Variants in RANBP17 observed in about 807,000 individuals in gnomAD.
RANBP17 encodes ran-binding protein 17.
Under a neutral mutation model 141.2 loss-of-function variants are expected in RANBP17, and 158 were observed. The observed-to-expected ratio is 1.12, with a 90% CI of 0.98 to 1.28. RANBP17 has a LOEUF of 1.28. Among genes scored for constraint, RANBP17 ranks in the 50% most tolerant of loss-of-function variants. RANBP17 has a pLI of 0.00. For synonymous variants in RANBP17, 430 were observed against 450.0 expected, an observed-to-expected ratio of 0.96 and a Z score of 0.56; for missense variants, 1,438 against 1,290.7, an observed-to-expected ratio of 1.11 and a Z score of -1.75.
chr5:171,238,486 C>T (rs1456020456), intron 22 of RANBP17, among the ~76,000 whole-genome samples: 1 of 152,050 alleles, frequency 6.6e-6, no homozygotes, highest in African/African-American at 2.4e-5. Flanking sequence ...GAATATAGGA[C>T]CTTTCCTTTC....
chr5:170,995,478 C>T lies in RANBP17; in HGVS notation c.1710+27101C>T, dbSNP rs181501589. ...TAGTATGAAGGTCCTTAAAAATATT[C>T]CTATCTGTTGACACAGTGTTTCATG... On this transcript the variant is annotated intron_variant, in intron 14 of 27. Coordinates refer to ENST00000523189, the MANE Select transcript of RANBP17 (RefSeq NM_022897.5). Among the ~76,000 whole-genome samples the T allele has an allele frequency of 3.0e-3, 454 of 152,202 alleles. 1 individual carries two copies. Among genetic ancestry groups the T allele is most frequent in the Non-Finnish European group, 5.1e-3 (347 of 67,988 alleles).
At chr5:171,250,228 C>T (rs528491021) in intron 24 of RANBP17, among the ~76,000 whole-genome samples, 7 of 152,270 alleles carry the variant, frequency 4.6e-5, no homozygotes, top group Admixed American at 2.6e-4. Flanking sequence ...TTGTTTGTTA[C>T]CACTAGACTG....
chr5:171,209,306 G>T (rs1762745308), intron 20 of RANBP17, among the ~76,000 whole-genome samples: 1 of 152,086 alleles, frequency 6.6e-6, no homozygotes, highest in African/African-American at 2.4e-5. Flanking sequence ...AGTTTGTTTG[G>T]GACTCTTGAA....
chr5:171,247,255 G>A (rs1264646861), intron 24 of RANBP17, among the ~76,000 whole-genome samples: 1 of 152,094 alleles, frequency 6.6e-6, no homozygotes, highest in Non-Finnish European at 1.5e-5. Flanking sequence ...TATTTTCTTT[G>A]TACATATTGG....
At chr5:171,130,525 C>T (rs1232367049) in intron 14 of RANBP17, among the ~76,000 whole-genome samples, 1 of 149,478 alleles carries the variant, frequency 6.7e-6, no homozygotes, top group Non-Finnish European at 1.5e-5. Context: ...CAACCTCCTC[C>T]TCTGGGGTTC....
intron 14 of RANBP17, chr5:170,970,463 A>G (rs1419966190): frequency 6.6e-6 from 1 of 152,112 alleles, no homozygotes; most frequent in Non-Finnish European, 1.5e-5. Context: ...CTTGCACTGC[A>G]TACTTTATAT....
At chr5:170,902,390 T>C (rs1003953065) in intron 5 of RANBP17, among the ~76,000 whole-genome samples, 2 of 152,200 alleles carry the variant, frequency 1.3e-5, no homozygotes, top group Non-Finnish European at 2.9e-5. Flanking sequence ...TATGTTCTTC[T>C]CTAAACTGGT....
At chr5:170,980,247 T>TA (rs1317675643) in intron 14 of RANBP17, among the ~76,000 whole-genome samples, 1 of 152,180 alleles carries the variant, frequency 6.6e-6, no homozygotes, top group East Asian at 1.9e-4. Flanking sequence ...GGAAACAGCA[T>TA]AAAAGTTTGG....
chr5:171,225,456 AC>A (rs1221597053), intron 22 of RANBP17, among the ~76,000 whole-genome samples: 2 of 152,184 alleles, frequency 1.3e-5, no homozygotes, highest in Non-Finnish European at 1.5e-5. Context: ...ATGTTTTATT[AC>A]CCAGGCTTTT....
At chr5:171,133,542 C>T (rs29647) in intron 14 of RANBP17, among the ~76,000 whole-genome samples, 86,366 of 151,868 alleles carry the variant, frequency 0.57, 26,825 homozygotes, top group South Asian at 0.79. Flanking sequence ...ATAGTTTCAA[C>T]AATCTTTCAT....
intron 18 of RANBP17, among the ~76,000 whole-genome samples, chr5:171,186,579 C>G (rs1166138717): frequency 8.8e-6 from 1 of 113,462 alleles, no homozygotes. Context: ...CTCTGTCGCC[C>G]AGGCTGGAGT....
chr5:170,978,159 T>C (rs1382314169), intron 14 of RANBP17, among the ~76,000 whole-genome samples: 3 of 152,124 alleles, frequency 2.0e-5, no homozygotes, highest in Non-Finnish European at 1.5e-5. Context: ...CTAAGTGAAA[T>C]ATCACTGCTC....
At chr5:171,095,226 T>C (rs1313447201) in intron 14 of RANBP17, among the ~76,000 whole-genome samples, 1 of 152,214 alleles carries the variant, frequency 6.6e-6, no homozygotes, top group Admixed American at 6.5e-5. Flanking sequence ...GTTTTAAGAT[T>C]TTATTCTAAA....
chr5:170,920,368 T>A (rs1358276708), intron 11 of RANBP17, among the ~76,000 whole-genome samples: 1 of 152,166 alleles, frequency 6.6e-6, no homozygotes, highest in African/African-American at 2.4e-5. Flanking sequence ...CTAATAACTA[T>A]GTAGTGGTAC....
chr5:171,073,036 G>C (rs1784718220), intron 14 of RANBP17, among the ~76,000 whole-genome samples: 1 of 152,084 alleles, frequency 6.6e-6, no homozygotes, highest in Non-Finnish European at 1.5e-5. Context: ...AAAACAGATA[G>C]GTGGTTACCA....
At position 170,910,754 on chromosome 5, in the gene RANBP17, GA is replaced by G; in HGVS notation, c.595-214del. On this transcript the variant is annotated intron_variant, in intron 6 of 27. Coordinates refer to ENST00000523189, the MANE Select transcript of RANBP17 (RefSeq NM_022897.5). ...AGTGTCCTCCAACATTCAGAGTTCT[GA>G]TTGCCTTTATTAGCTGAATGTGATT... 1.8e-5 allele frequency: 9 copies of G among 495,426 alleles called. 1 individual carries two copies. The South Asian group carries it at 2.3e-4, about 13-fold the overall frequency. The allele number at this position is 495,426 out of a possible 1,614,324, so 30.7% of individuals were successfully genotyped here.
chr5:171,175,619 G>A (rs577144483), intron 16 of RANBP17, among the ~76,000 whole-genome samples: 1 of 152,190 alleles, frequency 6.6e-6, no homozygotes, highest in African/African-American at 2.4e-5. Context: ...AGTGGGCGAA[G>A]GATAGGAACA....
At chr5:171,057,446 T>C (rs1254653667) in intron 14 of RANBP17, among the ~76,000 whole-genome samples, 2 of 152,160 alleles carry the variant, frequency 1.3e-5, no homozygotes, top group African/African-American at 4.8e-5. Flanking sequence ...TAATTATATC[T>C]CCTGGAAATC....
At chr5:170,978,905 AG>A in intron 14 of RANBP17, among the ~76,000 whole-genome samples, 1 of 152,306 alleles carries the variant, frequency 6.6e-6, no homozygotes, top group Middle Eastern at 3.4e-3. Flanking sequence ...TGTGTAAAAA[AG>A]TGGAAACTTG....
Sources: gnomAD v4.1 joint callset for allele counts (sites outside exome capture counted in the v4.1 genomes callset) on GRCh38, gnomAD v4.1.1 for gene constraint, MANE v1.5 for transcripts, NCBI Gene and HGNC (gene_info 2026-07-23, HGNC 2026-07-21) for gene names.